GLIS1: variants seen among roughly 807,000 people sequenced by gnomAD.
The protein encoded by GLIS1 is GLIS family zinc finger 1.
In GLIS1, 24 loss-of-function variants were observed where a neutral mutation model predicts 63.8. The observed-to-expected ratio is 0.38, with a 90% confidence interval of 0.27 to 0.53. The LOEUF (loss-of-function observed/expected upper bound fraction) is 0.53. Among genes scored for constraint, GLIS1 ranks in the 20% least tolerant of loss-of-function variants. The pLI, the probability that GLIS1 is intolerant of heterozygous loss-of-function variation, is 0.85. For missense variants in GLIS1, 1,036 were observed against 1,074.1 expected (o/e 0.96, Z 0.50); for synonymous variants, 450 against 482.5 (o/e 0.93, Z 0.88).
intron 2 of GLIS1, among the ~76,000 whole-genome samples, chr1:53,680,311 G>T (rs1646260536): frequency 6.6e-6 from 1 of 152,188 alleles, no homozygotes; most frequent in South Asian, 2.1e-4. Context: ...AAACGATTAA[G>T]AAAATGTACT....
chr1:53,720,896 G>A (rs891427671), intron 2 of GLIS1, among the ~76,000 whole-genome samples: 56 of 152,122 alleles, frequency 3.7e-4, no homozygotes, highest in African/African-American at 1.3e-3. Flanking sequence ...TACCTTAGAG[G>A]CTGAGGTGGG....
chr1:53,520,267 G>A (rs1557428557), intron 7 of GLIS1, among the ~76,000 whole-genome samples: 1 of 152,082 alleles, frequency 6.6e-6, no homozygotes, highest in Non-Finnish European at 1.5e-5. Context: ...GGGTCGGGGG[G>A]AGCAGGAGCA....
chr1:53,526,910 G>A lies in GLIS1; in HGVS notation c.1483-2023C>T, dbSNP rs973887360. On this transcript the variant is annotated intron_variant, in intron 5 of 10. Transcript: ENST00000628545. This position sits in a 1 kb window ranked among gnomAD's most constrained non-coding sequence, Gnocchi z 4.4. Reference sequence around the variant, plus strand: ...CAAGCTCCGCCTGGAATGGCCATGTGGGCTGCAGCGCCGGGCGGCCTCCCT... The same window carrying A: ...CAAGCTCCGCCTGGAATGGCCATGTAGGCTGCAGCGCCGGGCGGCCTCCCT... Among the ~76,000 whole-genome samples the A allele has an allele frequency of 1.3e-5, 2 of 152,272 alleles. No homozygotes were observed. The highest frequency in any genetic ancestry group is 4.8e-5 in the African/African-American group (2 of 41,474).
chr1:53,619,842 A>G (rs1645522552), intron 2 of GLIS1, among the ~76,000 whole-genome samples: 1 of 152,242 alleles, frequency 6.6e-6, no homozygotes, highest in Non-Finnish European at 1.5e-5. Context: ...ACTGAGGCCC[A>G]GTGAGCGTGA....
At chr1:53,510,098 G>A (rs1270837844) in intron 8 of GLIS1, 71 bp from the exon 9 acceptor site, 6 of 866,836 alleles carry the variant, frequency 6.9e-6, no homozygotes, top group Non-Finnish European at 9.3e-6. Context: ...GGGCTGCTGC[G>A]GCTTACACCC....
intron 4 of GLIS1, among the ~76,000 whole-genome samples, chr1:53,561,778 G>T (rs1358986594): frequency 6.6e-6 from 1 of 152,230 alleles, no homozygotes. Flanking sequence ...TGGCCCATGG[G>T]AGCCAAGGTG....
intron 3 of GLIS1, among the ~76,000 whole-genome samples, chr1:53,596,824 G>A (rs780343102): frequency 1.2e-4 from 19 of 152,160 alleles, no homozygotes; most frequent in Non-Finnish European, 2.5e-4. Context: ...CTCCAGCAGA[G>A]ACTCAGGGGA....
intron 2 of GLIS1, among the ~76,000 whole-genome samples, chr1:53,716,573 G>A (rs1310643443): frequency 6.6e-5 from 10 of 152,144 alleles, no homozygotes; most frequent in African/African-American, 9.7e-5. Context: ...AATCTCCTCA[G>A]AGAGGTATGA....
chr1:53,510,926 C>G (rs1194136094), intron 8 of GLIS1, among the ~76,000 whole-genome samples: 1 of 152,192 alleles, frequency 6.6e-6, no homozygotes, highest in Non-Finnish European at 1.5e-5. Context: ...TCTGGAAACT[C>G]ATGTTCTGAA....
At chr1:53,510,782 GCA>G (rs1181226818) in intron 8 of GLIS1, among the ~76,000 whole-genome samples, 1 of 152,188 alleles carries the variant, frequency 6.6e-6, no homozygotes, top group Non-Finnish European at 1.5e-5. Context: ...TTTTTTTCCT[GCA>G]CAGTGTACTC....
intron 2 of GLIS1, among the ~76,000 whole-genome samples, chr1:53,614,491 C>T (rs1018876956): frequency 6.6e-6 from 1 of 152,070 alleles, no homozygotes; most frequent in Non-Finnish European, 1.5e-5. Flanking sequence ...GGCAGTGAGG[C>T]CACAGAGCAG....
At chr1:53,645,719 T>C (rs1194531767) in intron 2 of GLIS1, among the ~76,000 whole-genome samples, 1 of 152,260 alleles carries the variant, frequency 6.6e-6, no homozygotes, top group Non-Finnish European at 1.5e-5. Context: ...ATAAGTGTTT[T>C]CATCTCCATT....
intron 4 of GLIS1, among the ~76,000 whole-genome samples, chr1:53,593,428 C>A (rs534347643): frequency 6.6e-6 from 1 of 152,240 alleles, no homozygotes; most frequent in Non-Finnish European, 1.5e-5. Flanking sequence ...AGTTAATATG[C>A]GCGTGTGTGT....
intron 2 of GLIS1, among the ~76,000 whole-genome samples, chr1:53,611,844 T>A (rs1281296091): frequency 6.6e-6 from 1 of 152,172 alleles, no homozygotes; most frequent in African/African-American, 2.4e-5. Flanking sequence ...TTCTTCTTCC[T>A]CTTCTCAGAG....
chr1:53,626,091 G>A (rs567229844), intron 2 of GLIS1, among the ~76,000 whole-genome samples: 1 of 152,202 alleles, frequency 6.6e-6, no homozygotes, highest in Non-Finnish European at 1.5e-5. Flanking sequence ...GGCCCGGAGT[G>A]AGGGCCGCTC....
intron 7 of GLIS1, among the ~76,000 whole-genome samples, chr1:53,516,547 A>AG (rs953898672): frequency 9.9e-5 from 15 of 152,016 alleles, no homozygotes; most frequent in Admixed American, 4.6e-4. Context: ...AAAAAAAAAA[A>AG]CAAGCCTGTA....
In GLIS1 at chr1:53,643,297, A is replaced by T. The variant is rs1425394683; in HGVS notation, c.260-43019T>A. Among the ~76,000 whole-genome samples the T allele has an allele frequency of 2.0e-5, 3 of 152,322 alleles. No individual in the cohort carries two copies. The East Asian group carries it at 5.8e-4, about 29-fold the overall frequency. The stretch of plus-strand genomic sequence containing the variant: ...TTGCCCCAGCAAGCCCTGGGAACAA[A>T]CCTTCAGAGCAGCAGGAAGAGGCCC... On this transcript the variant is annotated intron_variant, in intron 2 of 10. Coordinates refer to ENST00000628545, the MANE Select transcript of GLIS1 (RefSeq NM_001367484.1).
chr1:53,509,156 C>T lies in GLIS1; in HGVS notation c.2194G>A (p.Gly732Ser). ...THGFNPLRPN[G>S]YHSLSTPLPA... ...AAGGGCGTGCTGAGGCTGTGGTAGC[C>T]ATTGGGCCGCAGGGGGTTGAAACCG... The change falls in exon 10 of 11, where the codon GGC becomes AGC. Residue 732 changes from glycine (G) to serine (S), a missense_variant. This residue lies in a region of GLIS1 where 400 missense variants were observed against 400.9 expected (regional missense o/e 1.00). Transcript: ENST00000628545. The T allele has an allele frequency of 6.3e-7, 1 of 1,597,050 alleles. No homozygotes were observed. The highest frequency in any genetic ancestry group is 8.5e-7 in the Non-Finnish European group (1 of 1,171,804).
At position 53,734,703 on chromosome 1, in the gene GLIS1, G is replaced by C. The variant is rs142272153; in HGVS notation, c.259+3103C>G. The stretch of plus-strand genomic sequence containing the variant: ...TGAGGGCAGACAAGAGGATGTGTGG[G>C]AACACGCTCTGAACACTGTAAAGCA... On this transcript the variant is annotated intron_variant, in intron 2 of 10. Transcript: ENST00000628545. Among the ~76,000 whole-genome samples, 708 of 152,318 alleles carry C rather than the reference G, an allele frequency of 4.6e-3. 5 individuals carry two copies. Among genetic ancestry groups the C allele is most frequent in the Non-Finnish European group, 6.4e-3 (433 of 68,034 alleles).
Sources: allele counts gnomAD v4.1 joint callset (sites outside exome capture counted in the v4.1 genomes callset), GRCh38; gene constraint gnomAD v4.1.1; regional missense constraint gnomAD v4.1.1; non-coding constraint Gnocchi (gnomAD v3.1); transcripts MANE v1.5; gene names NCBI Gene and HGNC (gene_info 2026-07-23, HGNC 2026-07-21).